Variants in KLF13 observed in about 807,000 individuals in gnomAD.
KLF13 encodes the protein KLF transcription factor 13.
KLF13 carries 8 observed loss-of-function variants against 16.7 expected under a neutral mutation model. The ratio of observed to expected loss-of-function variants is 0.48; its 90% CI spans 0.28 to 0.87. The LOEUF is 0.87. Ranked by LOEUF, KLF13 falls within the 40% of genes least tolerant of loss-of-function variation. KLF13 has a pLI of 0.10. For synonymous variants in KLF13, 245 were observed against 208.4 expected, an observed-to-expected ratio of 1.18 and a Z score of -1.51; for missense variants, 447 against 452.2, an observed-to-expected ratio of 0.99 and a Z score of 0.10.
chr15:31,383,262 G>T (rs1326803453), intron 1 of KLF13, among the ~76,000 whole-genome samples: 6 of 152,198 alleles, frequency 3.9e-5, no homozygotes, highest in Admixed American at 1.3e-4. Flanking sequence ...GTTGGCCTGT[G>T]GGGGCGGAAC....
chr15:31,363,528 C>G (rs2039420032), intron 1 of KLF13, among the ~76,000 whole-genome samples: 1 of 152,218 alleles, frequency 6.6e-6, no homozygotes, highest in South Asian at 2.1e-4. Flanking sequence ...ACTCTGTCAC[C>G]CAGGCTGGAG....
intron 1 of KLF13, among the ~76,000 whole-genome samples, chr15:31,385,257 G>A (rs968030832): frequency 1.3e-5 from 2 of 152,342 alleles, no homozygotes; most frequent in South Asian, 4.1e-4. Flanking sequence ...AGCCTGAACT[G>A]ATGAGTATCT....
intron 1 of KLF13, chr15:31,420,605 A>G (rs942573918): frequency 7.0e-6 from 3 of 427,940 alleles, no homozygotes; most frequent in Non-Finnish European, 8.8e-6. Context: ...GAAAAACCCT[A>G]CAGCTTTTAC....
downstream of KLF13, among the ~76,000 whole-genome samples, chr15:31,408,126 G>C (rs559539779): frequency 6.6e-6 from 1 of 152,296 alleles, no homozygotes; most frequent in Admixed American, 6.5e-5. Flanking sequence ...AAACCCTAGA[G>C]AGCAAAATTG....
At chr15:31,432,489 C>T (rs1352552651) in intron 1 of KLF13, among the ~76,000 whole-genome samples, 1 of 150,556 alleles carries the variant, frequency 6.6e-6, no homozygotes, top group Non-Finnish European at 1.5e-5. Flanking sequence ...TACTCCGTTG[C>T]CCAGGCTGGA....
intron 1 of KLF13, among the ~76,000 whole-genome samples, chr15:31,333,962 A>AGGGC (rs1287432495): frequency 6.7e-6 from 1 of 148,618 alleles, no homozygotes; most frequent in African/African-American, 2.5e-5. Context: ...TGGGGGGGGG[A>AGGGC]GGGCATGGGA....
chr15:31,435,358 G>C (rs532779862), intron 1 of KLF13: 2 of 152,278 alleles, frequency 1.3e-5, no homozygotes, highest in East Asian at 1.9e-4. Context: ...AGAGGCTCTC[G>C]ATCTTTTACA....
chr15:31,410,049 T>C (rs989864528), intron 1 of KLF13, among the ~76,000 whole-genome samples: 3 of 152,154 alleles, frequency 2.0e-5, no homozygotes, highest in Non-Finnish European at 2.9e-5. Flanking sequence ...ATAAGATCAG[T>C]GTATCATGTG....
At chr15:31,345,779 C>T (rs1335483668) in intron 1 of KLF13, among the ~76,000 whole-genome samples, 5 of 152,170 alleles carry the variant, frequency 3.3e-5, no homozygotes, top group Non-Finnish European at 7.3e-5. Flanking sequence ...GGGTGTCTGC[C>T]CTGCCAGCCT....
chr15:31,329,449 C>T (rs2038787363), intron 1 of KLF13, among the ~76,000 whole-genome samples: 1 of 152,096 alleles, frequency 6.6e-6, no homozygotes. Context: ...GGTGGCCTGC[C>T]ACTCGGCAGC....
rs376232240 is a variant in KLF13, at chr15:31,341,265, G to A, written c.577+13476G>A. Reference sequence around the variant, plus strand: ...TCTCTGGGTTTTCACTGTGAAGTGGGTCTGGTCATGCTGCCTCTAGGAGCA... The same window carrying A: ...TCTCTGGGTTTTCACTGTGAAGTGGATCTGGTCATGCTGCCTCTAGGAGCA... On this transcript the variant is annotated intron_variant, in intron 1 of 1. Coordinates refer to ENST00000307145, the MANE Select transcript of KLF13 (RefSeq NM_015995.4). Among the ~76,000 whole-genome samples the A allele has an allele frequency of 1.1e-4, 16 of 152,314 alleles. 1 individual carries two copies. The highest frequency in any genetic ancestry group is 5.9e-4 in the Admixed American group (9 of 15,296).
At chr15:31,398,194 T>C (rs969097770) in intron 2 of KLF13, among the ~76,000 whole-genome samples, 3 of 152,074 alleles carry the variant, frequency 2.0e-5, no homozygotes, top group Non-Finnish European at 4.4e-5. Flanking sequence ...CCTTAATTGG[T>C]GGTGTTTTCA....
intron 1 of KLF13, among the ~76,000 whole-genome samples, chr15:31,419,379 A>G (rs375366199): frequency 7.8e-4 from 119 of 152,334 alleles, no homozygotes; most frequent in African/African-American, 1.9e-3. Flanking sequence ...AAGAACTTCA[A>G]TGTGATACAA....
intron 1 of KLF13, among the ~76,000 whole-genome samples, chr15:31,421,934 T>A (rs112069990): frequency 0.018 from 2,725 of 152,008 alleles, 61 homozygotes; most frequent in African/African-American, 0.053. Flanking sequence ...GCCAACATGA[T>A]GAAACCCCAT....
downstream of KLF13, among the ~76,000 whole-genome samples, chr15:31,382,038 G>C (rs1321480664): frequency 6.6e-6 from 1 of 152,182 alleles, no homozygotes; most frequent in African/African-American, 2.4e-5. Context: ...GGTCTGTGTG[G>C]GGTCATGGTG....
At chr15:31,371,053 G>T (rs1024890852) in intron 1 of KLF13, among the ~76,000 whole-genome samples, 2 of 152,126 alleles carry the variant, frequency 1.3e-5, no homozygotes, top group Non-Finnish European at 2.9e-5. Context: ...GGATGAGACC[G>T]TGTAGGAAGG....
At chr15:31,370,044 C>CT (rs912005994) in intron 1 of KLF13, among the ~76,000 whole-genome samples, 2,397 of 99,292 alleles carry the variant, frequency 0.024, 55 homozygotes, top group African/African-American at 0.062. Context: ...TCTCCTTTTT[C>CT]TTTTTTTTTT....
intron 1 of KLF13, among the ~76,000 whole-genome samples, chr15:31,339,004 G>A (rs1170115207): frequency 2.6e-5 from 4 of 152,150 alleles, no homozygotes; most frequent in African/African-American, 9.7e-5. Context: ...CATCCTGGGA[G>A]ACACTGTGGG....
chr15:31,330,911 G>A (rs899102337), intron 1 of KLF13, among the ~76,000 whole-genome samples: 4 of 152,210 alleles, frequency 2.6e-5, no homozygotes, highest in Non-Finnish European at 5.9e-5. Flanking sequence ...AGATTTTCTT[G>A]GAACCTGAGG....
Sources: gnomAD v4.1 joint callset for allele counts (sites outside exome capture counted in the v4.1 genomes callset) on GRCh38, gnomAD v4.1.1 for gene constraint, MANE v1.5 for transcripts, NCBI Gene and HGNC (gene_info 2026-07-23, HGNC 2026-07-21) for gene names.